TMPRSS11F: variants seen among roughly 807,000 people sequenced by gnomAD.
TMPRSS11F encodes the protein transmembrane serine protease 11F.
In TMPRSS11F, 47 loss-of-function variants were observed where a neutral mutation model predicts 60.2. The ratio of observed to expected loss-of-function variants is 0.78; its 90% confidence interval spans 0.62 to 1.00. TMPRSS11F has a LOEUF of 1.00. TMPRSS11F is among the 50% of genes least tolerant of loss of function. TMPRSS11F has a pLI of 0.00. For synonymous variants in TMPRSS11F, 166 were observed against 167.3 expected (o/e 0.99, Z 0.06); for missense variants, 519 against 522.9 (o/e 0.99, Z 0.07).
chr4:68,110,586 A>G (rs1048565726), intron 1 of TMPRSS11F, among the ~76,000 whole-genome samples: 1 of 152,188 alleles, frequency 6.6e-6, no homozygotes, highest in African/African-American at 2.4e-5. Context: ...TGTGAGCAGT[A>G]TGATTGTAGG....
chr4:68,086,738 T>G (rs796185321), intron 3 of TMPRSS11F, among the ~76,000 whole-genome samples: 1 of 151,920 alleles, frequency 6.6e-6, no homozygotes, highest in Admixed American at 6.6e-5. Context: ...CAGTCTATTA[T>G]GAACACCCCT....
chr4:68,055,813 A>C (rs1378983514), intron 9 of TMPRSS11F, among the ~76,000 whole-genome samples: 1 of 152,172 alleles, frequency 6.6e-6, no homozygotes, highest in Non-Finnish European at 1.5e-5. Context: ...CAAAATACTC[A>C]TGAACCAAAT....
intron 3 of TMPRSS11F, among the ~76,000 whole-genome samples, chr4:68,074,920 A>G (rs905418528): frequency 2.6e-5 from 4 of 152,222 alleles, no homozygotes; most frequent in South Asian, 2.1e-4. Context: ...AACATGGCAA[A>G]CTCCATTTCT....
intron 1 of TMPRSS11F, among the ~76,000 whole-genome samples, chr4:68,107,430 C>G (rs1463982104): frequency 2.6e-5 from 4 of 152,172 alleles, no homozygotes; most frequent in South Asian, 2.1e-4. Flanking sequence ...GATCACTCTG[C>G]AAAGGTGATA....
At chr4:68,072,248 T>TATATATATATATATATATATATATAG (rs1723491589) in intron 5 of TMPRSS11F, 75 bp downstream of exon 5, 1 of 212,236 alleles carries the variant, frequency 4.7e-6, no homozygotes, top group South Asian at 1.0e-4. Flanking sequence ...TATATATATA[T>TATATATATATATATATATATATATAG]ATTGCTTACA....
chr4:68,080,767 A>G (rs1371833546), intron 3 of TMPRSS11F: 4 of 151,222 alleles, frequency 2.6e-5, no homozygotes, highest in African/African-American at 4.9e-5. Flanking sequence ...AAATTATTTA[A>G]TCAAGATCCC....
At chr4:68,091,733 C>A (rs938939676) in intron 2 of TMPRSS11F, among the ~76,000 whole-genome samples, 10 of 145,148 alleles carry the variant, frequency 6.9e-5, no homozygotes, top group Admixed American at 1.4e-4. Context: ...TAACTATAAC[C>A]CATTTAATCT....
At chr4:68,062,558 A>G (rs1723208369) in intron 8 of TMPRSS11F, 1 of 805,208 alleles carries the variant, frequency 1.2e-6, no homozygotes, top group Non-Finnish European at 2.2e-6. Flanking sequence ...TGACTCTAGC[A>G]ACGCCTGCCA....
At chr4:68,123,271 A>G (rs1023844645) in intron 1 of TMPRSS11F, among the ~76,000 whole-genome samples, 1 of 152,208 alleles carries the variant, frequency 6.6e-6, no homozygotes, top group African/African-American at 2.4e-5. Flanking sequence ...TTATTAGATC[A>G]AAAAGTAAAG....
chr4:68,127,479 G>A (rs972278523), intron 1 of TMPRSS11F, among the ~76,000 whole-genome samples: 3 of 151,420 alleles, frequency 2.0e-5, no homozygotes, highest in African/African-American at 7.3e-5. Context: ...CCAAATACAG[G>A]GACCCATGAA....
intron 1 of TMPRSS11F, among the ~76,000 whole-genome samples, chr4:68,122,496 T>C (rs899725101): frequency 6.6e-6 from 1 of 152,198 alleles, no homozygotes; most frequent in Non-Finnish European, 1.5e-5. Context: ...CTAGCTTTCA[T>C]GTATTGTCTC....
chr4:68,089,954 C>T lies in TMPRSS11F; in HGVS notation c.282+569G>A, dbSNP rs1723890023. Among the ~76,000 whole-genome samples the T allele has an allele frequency of 2.0e-5, 3 of 151,864 alleles. No homozygotes were observed. In the South Asian group the frequency reaches 6.2e-4, roughly 31 times the overall value. On this transcript the variant is annotated intron_variant, in intron 3 of 9. Coordinates refer to ENST00000356291, the MANE Select transcript of TMPRSS11F (RefSeq NM_207407.2). ...CTCCATAGCCATGCTTTTCATGGGA[C>T]AAAAAATGGAAGACTATTCTCTTTG...
chr4:68,079,767 T>C (rs1723654481), intron 3 of TMPRSS11F, among the ~76,000 whole-genome samples: 1 of 152,158 alleles, frequency 6.6e-6, no homozygotes, highest in Non-Finnish European at 1.5e-5. Flanking sequence ...GGGAAAAAAC[T>C]TCACCCTAAA....
chr4:68,124,945 A>ATTGTTT (rs1724688029), intron 1 of TMPRSS11F, among the ~76,000 whole-genome samples: 1 of 94,100 alleles, frequency 1.1e-5, no homozygotes, highest in Non-Finnish European at 2.0e-5. Flanking sequence ...CTAAACCAGC[A>ATTGTTT]TTTTTTTTTT....
At chr4:68,066,569 T>C (rs1453580960) in intron 7 of TMPRSS11F, among the ~76,000 whole-genome samples, 3 of 152,238 alleles carry the variant, frequency 2.0e-5, no homozygotes, top group Non-Finnish European at 4.4e-5. Context: ...TCATTTTTCA[T>C]AGACATAAAG....
intron 1 of TMPRSS11F, among the ~76,000 whole-genome samples, chr4:68,112,786 C>G (rs1420813471): frequency 6.6e-6 from 1 of 152,080 alleles, no homozygotes; most frequent in Non-Finnish European, 1.5e-5. Flanking sequence ...ACACTATAAT[C>G]TACCTCATTT....
rs189937161 is a variant in TMPRSS11F at position 68,064,482 on chromosome 4, C to T, written c.1015+203G>A. ...CATTACAGGTGTGAGCCACCACACC[C>T]GGCCACCACTGCTCCAATTGTAAAC... On this transcript the variant is annotated intron_variant, in intron 8 of 9. Transcript: ENST00000356291. Among the ~76,000 whole-genome samples the T allele has an allele frequency of 2.4e-4, 36 of 152,262 alleles. No individual in the cohort carries two copies. The East Asian group carries it at 5.6e-3, about 24-fold the overall frequency.
At chr4:68,111,412 T>A (rs1724407976) in intron 1 of TMPRSS11F, among the ~76,000 whole-genome samples, 1 of 152,172 alleles carries the variant, frequency 6.6e-6, no homozygotes. Flanking sequence ...AGACAGCAGC[T>A]GATTTTACCA....
At chr4:68,123,366 A>G (rs1724658362) in intron 1 of TMPRSS11F, among the ~76,000 whole-genome samples, 1 of 152,204 alleles carries the variant, frequency 6.6e-6, no homozygotes, top group Admixed American at 6.5e-5. Flanking sequence ...ATGTCATCTA[A>G]AGAGGACACA....
Sources: gnomAD v4.1 joint callset for allele counts (sites outside exome capture counted in the v4.1 genomes callset) on GRCh38, gnomAD v4.1.1 for gene constraint, MANE v1.5 for transcripts, NCBI Gene and HGNC (gene_info 2026-07-23, HGNC 2026-07-21) for gene names.